The following SSBP2 variants were observed in gnomAD, a reference collection of about 807,000 sequenced individuals.
SSBP2 encodes single stranded DNA binding protein 2.
SSBP2 carries 17 observed loss-of-function variants against 61.8 expected under a neutral mutation model. That is an observed-to-expected ratio of 0.28 (90% CI 0.19 to 0.41). The LOEUF is 0.41. Ranked by LOEUF, SSBP2 falls within the 10% of genes least tolerant of loss-of-function variation. The pLI is 1.00. For missense variants in SSBP2, 310 were observed against 458.7 expected (o/e 0.68, Z 2.96); for synonymous variants, 139 against 141.3 (o/e 0.98, Z 0.12).
At chr5:81,626,701 T>G (rs890245968) in intron 3 of SSBP2, among the ~76,000 whole-genome samples, 1 of 137,152 alleles carries the variant, frequency 7.3e-6, no homozygotes, top group Non-Finnish European at 1.5e-5. Flanking sequence ...TCACCCTACA[T>G]GCAGCTGCCA....
chr5:81,460,123 C>T (rs80124285), intron 10 of SSBP2, among the ~76,000 whole-genome samples: 11,775 of 152,264 alleles, frequency 0.077, 593 homozygotes, highest in Middle Eastern at 0.16. Context: ...TTCCTATACC[C>T]TAACCTTAAA....
chr5:81,707,366 G>C (rs1045965145), intron 1 of SSBP2, among the ~76,000 whole-genome samples: 1 of 152,118 alleles, frequency 6.6e-6, no homozygotes, highest in African/African-American at 2.4e-5. Context: ...TATAGGAGTA[G>C]GGCTGACCTC....
At chr5:81,509,931 C>T (rs1768468835) in intron 5 of SSBP2, among the ~76,000 whole-genome samples, 1 of 152,188 alleles carries the variant, frequency 6.6e-6, no homozygotes, top group Non-Finnish European at 1.5e-5. Flanking sequence ...TCTAATTCTA[C>T]TGCCACTGAT....
chr5:81,638,852 C>A (rs895783969), intron 2 of SSBP2, among the ~76,000 whole-genome samples: 3 of 152,150 alleles, frequency 2.0e-5, no homozygotes, highest in Admixed American at 2.0e-4. Flanking sequence ...AAAAATGAAT[C>A]ATTTAAACAG....
intron 1 of SSBP2, among the ~76,000 whole-genome samples, chr5:81,730,792 T>C (rs1397202785): frequency 6.6e-6 from 1 of 152,202 alleles, no homozygotes; most frequent in Admixed American, 6.5e-5. Flanking sequence ...TCAGGTTCCT[T>C]TTAAGTGATG....
At chr5:81,547,321 C>T (rs983233340) in intron 4 of SSBP2, among the ~76,000 whole-genome samples, 7 of 152,150 alleles carry the variant, frequency 4.6e-5, no homozygotes, top group Admixed American at 2.0e-4. Flanking sequence ...ATATTTGTAG[C>T]AGCTTTATAA....
At chr5:81,654,245 A>T (rs1750016952) in intron 1 of SSBP2, among the ~76,000 whole-genome samples, 1 of 152,130 alleles carries the variant, frequency 6.6e-6, no homozygotes, top group Non-Finnish European at 1.5e-5. Context: ...GATTACAGGC[A>T]TGAGCGACTG....
At chr5:81,445,935 T>A (rs1022707672) in intron 12 of SSBP2, among the ~76,000 whole-genome samples, 6 of 152,186 alleles carry the variant, frequency 3.9e-5, no homozygotes, top group African/African-American at 1.4e-4. Context: ...AATCATGAGA[T>A]TTTATTTTTC....
chr5:81,642,538 A>G (rs1748883387), intron 2 of SSBP2, among the ~76,000 whole-genome samples: 1 of 152,198 alleles, frequency 6.6e-6, no homozygotes, highest in Non-Finnish European at 1.5e-5. Flanking sequence ...ATCATGAACA[A>G]AAGGTATATC....
At chr5:81,546,087 T>C (rs1475173541) in intron 4 of SSBP2, among the ~76,000 whole-genome samples, 1 of 152,196 alleles carries the variant, frequency 6.6e-6, no homozygotes, top group Admixed American at 6.5e-5. Context: ...TCAAGAACAA[T>C]GGCTATCATT....
chr5:81,468,489 G>A (rs1765038526), intron 8 of SSBP2, among the ~76,000 whole-genome samples: 1 of 151,872 alleles, frequency 6.6e-6, no homozygotes, highest in South Asian at 2.1e-4. Context: ...TCTCAGCGTG[G>A]CTCTATGAGG....
chr5:81,441,143 G>C (rs1010451187), intron 13 of SSBP2, among the ~76,000 whole-genome samples: 2 of 152,090 alleles, frequency 1.3e-5, no homozygotes, highest in East Asian at 3.8e-4. Flanking sequence ...TCATTCCTTG[G>C]GGATGGCTGA....
intron 4 of SSBP2, among the ~76,000 whole-genome samples, chr5:81,540,325 T>C (rs1771163432): frequency 6.6e-6 from 1 of 152,194 alleles, no homozygotes; most frequent in African/African-American, 2.4e-5. Flanking sequence ...CACACTGTCT[T>C]CCGCAATGGT....
chr5:81,683,395 G>C (rs7728931), intron 1 of SSBP2, among the ~76,000 whole-genome samples: 15,430 of 152,126 alleles, frequency 0.1, 1,998 homozygotes, highest in African/African-American at 0.3. Flanking sequence ...GATAGTCTTT[G>C]AACAAATGGT....
chr5:81,565,126 G>C (rs185142780), intron 4 of SSBP2, among the ~76,000 whole-genome samples: 3 of 152,132 alleles, frequency 2.0e-5, no homozygotes, highest in Admixed American at 2.0e-4. Context: ...TATAATAAAA[G>C]CAACTTATTA....
chr5:81,601,741 C>T (rs1561590840), intron 4 of SSBP2, among the ~76,000 whole-genome samples: 2 of 152,258 alleles, frequency 1.3e-5, no homozygotes, highest in East Asian at 3.9e-4. Context: ...AAGCATCTTC[C>T]TAATTACAGC....
chr5:81,478,539 A>G (rs1765751249), intron 6 of SSBP2, among the ~76,000 whole-genome samples: 1 of 152,012 alleles, frequency 6.6e-6, no homozygotes, highest in Non-Finnish European at 1.5e-5. Context: ...GGGTTTCACC[A>G]TGTTGGCCAG....
intron 2 of SSBP2, among the ~76,000 whole-genome samples, chr5:81,648,559 G>A (rs983389693): frequency 5.3e-5 from 8 of 152,122 alleles, no homozygotes; most frequent in African/African-American, 1.9e-4. Context: ...TTGGCAATGA[G>A]TTGTCTGTTG....
intron 1 of SSBP2, among the ~76,000 whole-genome samples, chr5:81,702,454 T>C (rs886646118): frequency 6.6e-6 from 1 of 152,086 alleles, no homozygotes; most frequent in Non-Finnish European, 1.5e-5. Flanking sequence ...TACTACTCAA[T>C]CTCACTTATA....
Sources: gnomAD v4.1 joint callset for allele counts (sites outside exome capture counted in the v4.1 genomes callset) on GRCh38, gnomAD v4.1.1 for gene constraint, MANE v1.5 for transcripts, NCBI Gene and HGNC (gene_info 2026-07-23, HGNC 2026-07-21) for gene names.